ENTPD8: variants seen among roughly 807,000 people sequenced by gnomAD.
ENTPD8 encodes the protein ectonucleoside triphosphate diphosphohydrolase 8.
In ENTPD8, 35 loss-of-function variants were observed where a neutral mutation model predicts 47.0. The observed-to-expected ratio is 0.75, with a 90% CI of 0.57 to 0.99. The LOEUF (loss-of-function observed/expected upper bound fraction) is 0.99, where lower values mean the gene tolerates loss of function less well. Among genes scored for constraint, ENTPD8 ranks in the 50% least tolerant of loss-of-function variants. The probability of loss-of-function intolerance (pLI) is 0.00; values close to 1 mark genes in which losing one functional copy is unlikely to be tolerated. For missense variants in ENTPD8, 668 were observed against 649.9 expected (o/e 1.03, Z -0.30); for synonymous variants, 308 against 290.5 (o/e 1.06, Z -0.61).
At position 137,436,107 on chromosome 9, in the gene ENTPD8, GC is replaced by G; in HGVS notation, c.955del (p.Ala319ProfsTer44). 6.2e-7 allele frequency: 1 copy of G among 1,613,034 alleles called. No individual in the cohort carries two copies. Among genetic ancestry groups the G allele is most frequent in the Non-Finnish European group, 8.5e-7 (1 of 1,179,988 alleles). ...GTGNPGACVS[A>X]IRELFNFSSC... ...GGAGAAGTTGAAAAGTTCCCGGATG[GC>G]TGAGACGCAGGCTCCAGGGTTGCCT... On this transcript the variant is annotated frameshift_variant, in exon 7 of 10. Transcript: ENST00000371506. LOFTEE classifies it high-confidence loss of function.
intron 6 of ENTPD8, 98 bp downstream of exon 6, chr9:137,436,422 TA>T: frequency 7.5e-7 from 1 of 1,327,828 alleles, no homozygotes; most frequent in Non-Finnish European, 1.0e-6. Flanking sequence ...CCCGCGCCCA[TA>T]CCCTGTGCCC....
rs1429032447 is a variant in ENTPD8 at position 137,438,776 on chromosome 9, G to A, written c.-20-471C>T. Among the ~76,000 whole-genome samples the A allele has an allele frequency of 6.6e-6, 1 of 152,110 alleles. No homozygotes were observed. The highest frequency in any genetic ancestry group is 1.5e-5 in the Non-Finnish European group (1 of 67,958). On this transcript the variant is annotated intron_variant, in intron 1 of 9. Coordinates refer to ENST00000371506, the MANE Select transcript of ENTPD8 (RefSeq NM_001033113.2). This position sits in a 1 kb window ranked among gnomAD's most constrained non-coding sequence, Gnocchi z 5.7. Reference sequence around the variant, plus strand: ...TGTGGGAGGGGGGCGGGGGGCAGCAGAGGCCTCGTCTGGGGACACAGCCCC... The same window carrying A: ...TGTGGGAGGGGGGCGGGGGGCAGCAAAGGCCTCGTCTGGGGACACAGCCCC...
Position 137,436,379 on chromosome 9 carries a change from C to T in ENTPD8, c.787-103G>A, listed in dbSNP as rs539806309. On this transcript the variant is annotated intron_variant, in intron 6 of 9. Transcript: ENST00000371506. ...GCCAGCCCCGCGCCCATACCCTGTG[C>T]GCCCTCCCCGGTGCCGGATGACCCA... 52 of 1,410,104 alleles carry T rather than the reference C, an allele frequency of 3.7e-5. No homozygotes were observed. In the African/African-American group the frequency reaches 5.7e-4, roughly 15 times the overall value. 87.3% of individuals were successfully genotyped at this position (1,410,104 alleles called of 1,614,324 possible). A position where few individuals can be genotyped will look rare whatever the true frequency, so the allele number is the denominator to read the frequency against.
In ENTPD8 at chr9:137,436,716, C is replaced by A. The variant is rs1216022667; in HGVS notation, c.591G>T (p.Glu197Asp). The change falls in exon 6 of 10, where the codon GAG becomes GAT. Residue 197 changes from glutamate (E) to aspartate (D), a missense_variant. Glu to Asp is a conservative substitution (Grantham distance 45). Transcript: ENST00000371506. ...TGTCCAGGGCACCCACCAGCATCTCCTCCGGAGGCTGGATCCATTCTCCAG... is the reference window on the plus strand; with the variant it reads ...TGTCCAGGGCACCCACCAGCATCTCATCCGGAGGCTGGATCCATTCTCCAG... ...SFTGEWIQPP[E>D]EMLVGALDMG... The A allele has an allele frequency of 6.3e-7, 1 of 1,599,996 alleles. No homozygotes were observed. The highest frequency in any genetic ancestry group is 1.1e-5 in the South Asian group (1 of 89,732).
Position 137,438,350 on chromosome 9 carries a change from C to T in ENTPD8, c.-20-45G>A. 1 of 1,456,144 alleles carries T rather than the reference C, an allele frequency of 6.9e-7. No homozygotes were observed. Among genetic ancestry groups the T allele is most frequent in the Non-Finnish European group, 9.1e-7 (1 of 1,103,764 alleles). 90.2% of individuals were successfully genotyped at this position (1,456,144 alleles called of 1,614,324 possible). On this transcript the variant is annotated intron_variant, in intron 1 of 9. Coordinates refer to ENST00000371506, the MANE Select transcript of ENTPD8 (RefSeq NM_001033113.2). The surrounding 1 kb of genome is among the most constrained non-coding windows in gnomAD (Gnocchi z 5.7). ...GGCACCCAGGCTGCACTTGGTGTCC[C>T]CATCCCGCCCTCCAGAGGCAGAGGC... is the stretch of plus-strand genomic sequence containing the variant.
intron 7 of ENTPD8, 63 bp downstream of exon 7, chr9:137,435,950 G>T: frequency 6.2e-7 from 1 of 1,602,934 alleles, no homozygotes; most frequent in South Asian, 1.1e-5. Context: ...GCTGGAGTCA[G>T]ACAGGCACCT....
Position 137,438,305 on chromosome 9 carries a change from C to G in ENTPD8, c.-20G>C. ...CCCCATGGTGCAGGTGGTACTGGTTCCTGTGGGGGGACGGCCGTGGGCACC... is the reference window on the plus strand; with the variant it reads ...CCCCATGGTGCAGGTGGTACTGGTTGCTGTGGGGGGACGGCCGTGGGCACC... On this transcript the variant is annotated splice_region_variant and 5_prime_UTR_variant, in exon 2 of 10. Coordinates refer to ENST00000371506, the MANE Select transcript of ENTPD8 (RefSeq NM_001033113.2). This position sits in a 1 kb window ranked among gnomAD's most constrained non-coding sequence, Gnocchi z 5.7. 1 of 1,538,132 alleles carries G rather than the reference C, an allele frequency of 6.5e-7. No individual in the cohort carries two copies. The highest frequency in any genetic ancestry group is 1.2e-5 in the South Asian group (1 of 84,196).
At position 137,434,988 on chromosome 9, in the gene ENTPD8, C is replaced by G; in HGVS notation, c.1414G>C (p.Val472Leu). Residue 472 changes from valine to leucine, a missense_variant, in exon 10 of 10, where the codon GTG becomes CTG. Val to Leu is a conservative substitution (Grantham distance 32). Transcript: ENST00000371506. The part of the protein sequence containing the change: ...AESYGVWVAK[V>L]VFMVLALVAV... ...ACCAGGGCCAGCACCATGAACACCA[C>G]TTTGGCCACCCAGACGCCGTAGCTC... is the stretch of plus-strand genomic sequence containing the variant. 1 of 1,612,902 alleles carries G rather than the reference C, an allele frequency of 6.2e-7. No individual in the cohort carries two copies.
Position 137,436,904 on chromosome 9 carries a change from T to C in ENTPD8, c.520A>G (p.Ile174Val). The C allele has an allele frequency of 6.2e-7, 1 of 1,612,978 alleles. No homozygotes were observed. The highest frequency in any genetic ancestry group is 8.5e-7 in the Non-Finnish European group (1 of 1,179,932). Residue 174 changes from isoleucine to valine, a missense_variant, in exon 5 of 10, where the codon ATC (isoleucine) becomes GTC (valine). Coordinates refer to ENST00000371506, the MANE Select transcript of ENTPD8 (RefSeq NM_001033113.2). Reference sequence around the variant, plus strand: ...GTCCCCAAGCCGTAGTTGACAGTGATCCAACCAAAGGCACCTTCGGCCTGC... The same window carrying C: ...GTCCCCAAGCCGTAGTTGACAGTGACCCAACCAAAGGCACCTTCGGCCTGC... ...AGQAEGAFGW[I>V]TVNYGLGTLV...
In ENTPD8 at chr9:137,436,369, ATACCCT is replaced by A; in HGVS notation, c.787-99_787-94del. 13 of 1,423,670 alleles carry A rather than the reference ATACCCT, an allele frequency of 9.1e-6. No homozygotes were observed. In the East Asian group the frequency reaches 2.1e-4, roughly 23 times the overall value. 88.2% of individuals were successfully genotyped at this position (1,423,670 alleles called of 1,614,324 possible). ...GATGACCCACGCCAGCCCCGCGCCC[ATACCCT>A]GTGCGCCCTCCCCGGTGCCGGATGA... On this transcript the variant is annotated intron_variant, in intron 6 of 9. Coordinates refer to ENST00000371506, the MANE Select transcript of ENTPD8 (RefSeq NM_001033113.2).
intron 9 of ENTPD8, 24 bp downstream of exon 9, chr9:137,435,180 C>A (rs1839306178): frequency 1.9e-6 from 3 of 1,605,580 alleles, no homozygotes; most frequent in Non-Finnish European, 2.5e-6. Flanking sequence ...CCACGCCCCG[C>A]CCACGCCCAG....
intron 8 of ENTPD8, among the ~76,000 whole-genome samples, 169 bp downstream of exon 8, chr9:137,435,550 T>C (rs1277831627): frequency 6.6e-6 from 1 of 152,202 alleles, no homozygotes; most frequent in African/African-American, 2.4e-5. Context: ...GCTGCGGCCG[T>C]GGCCACAGCC....
rs770383661 is a variant in ENTPD8, at chr9:137,435,299, C to T, written c.1201G>A (p.Asp401Asn). ...ATGTACAGGCCTGAGGCACAGTAGT[C>T]CCGCAGCCAGCGGTCCTGCCCAGGG... Reference protein sequence around the residue: ...SYPGQDRWLRDYCASGLYILT... With the variant: ...SYPGQDRWLRNYCASGLYILT... The change falls in exon 9 of 10, where the codon GAC becomes AAC. Residue 401 changes from aspartate to asparagine, a missense_variant. Physicochemically the swap from Asp to Asn is conservative, Grantham distance 23. Transcript: ENST00000371506. 1 of 1,612,392 alleles carries T rather than the reference C, an allele frequency of 6.2e-7. No homozygotes were observed. The highest frequency in any genetic ancestry group is 8.5e-7 in the Non-Finnish European group (1 of 1,179,844).
In ENTPD8 at chr9:137,436,564, C is replaced by T. The variant is rs2079891709; in HGVS notation, c.743G>A (p.Gly248Glu). 1 of 1,611,910 alleles carries T rather than the reference C, an allele frequency of 6.2e-7. No homozygotes were observed. ...SVYTHSYLCF[G>E]RDQMLSRLLV... ...GAGCCTGCTCAGCATCTGGTCCCGT[C>T]CAAAGCACAGGTAGCTGTGAGTGTA... The change falls in exon 6 of 10, where the codon GGA becomes GAA. Residue 248 changes from glycine (G) to glutamate (E), a missense_variant. Coordinates refer to ENST00000371506, the MANE Select transcript of ENTPD8 (RefSeq NM_001033113.2).
chr9:137,438,346 G>A lies in ENTPD8; in HGVS notation c.-20-41C>T. The A allele has an allele frequency of 6.8e-7, 1 of 1,466,550 alleles. No individual in the cohort carries two copies. The highest frequency in any genetic ancestry group is 9.0e-7 in the Non-Finnish European group (1 of 1,108,194). 90.8% of individuals were successfully genotyped at this position (1,466,550 alleles called of 1,614,324 possible). ...CGTGGGCACCCAGGCTGCACTTGGTGTCCCCATCCCGCCCTCCAGAGGCAG... is the reference window on the plus strand; with the variant it reads ...CGTGGGCACCCAGGCTGCACTTGGTATCCCCATCCCGCCCTCCAGAGGCAG... On this transcript the variant is annotated intron_variant, in intron 1 of 9. Coordinates refer to ENST00000371506, the MANE Select transcript of ENTPD8 (RefSeq NM_001033113.2). This position sits in a 1 kb window ranked among gnomAD's most constrained non-coding sequence, Gnocchi z 5.7.
Position 137,438,089 on chromosome 9 carries a change from G to T in ENTPD8, c.127-5C>A. The T allele has an allele frequency of 6.2e-7, 1 of 1,612,704 alleles. No individual in the cohort carries two copies. Among genetic ancestry groups the T allele is most frequent in the Non-Finnish European group, 8.5e-7 (1 of 1,179,718 alleles). ...CGCATCAAACACGATCCCAAACTGGGGAGACAGTGGGATGAGTGGGAGGCA... is the reference window on the plus strand; with the variant it reads ...CGCATCAAACACGATCCCAAACTGGTGAGACAGTGGGATGAGTGGGAGGCA... On this transcript the variant is annotated splice_polypyrimidine_tract_variant and splice_region_variant and intron_variant, in intron 2 of 9. Coordinates refer to ENST00000371506, the MANE Select transcript of ENTPD8 (RefSeq NM_001033113.2). The surrounding 1 kb of genome is among the most constrained non-coding windows in gnomAD (Gnocchi z 5.7).
In ENTPD8 at chr9:137,434,884, G is replaced by T. The variant is rs766661002; in HGVS notation, c.*30C>A. ...GCATCCGGGACGCAGCTGCCTGTGGGCTCTGTGGGGGCCCACCTCCGCCTT... is the reference window on the plus strand; with the variant it reads ...GCATCCGGGACGCAGCTGCCTGTGGTCTCTGTGGGGGCCCACCTCCGCCTT... On this transcript the variant is annotated 3_prime_UTR_variant, in exon 10 of 10. Coordinates refer to ENST00000371506, the MANE Select transcript of ENTPD8 (RefSeq NM_001033113.2). 1.3e-5 allele frequency: 21 copies of T among 1,575,080 alleles called. No homozygotes were observed. The highest frequency in any genetic ancestry group is 1.7e-5 in the Non-Finnish European group (20 of 1,160,398).
chr9:137,436,196 C>G lies in ENTPD8; in HGVS notation c.867G>C (p.Glu289Asp). ...GGGGCGTGGCGTGGACACAGGGTGA[C>G]TCATACAGCGGGCCCAGGGCCAGTG... ...QTTLALGPLY[E>D]SPCVHATPPL... The change falls in exon 7 of 10, where the codon GAG becomes GAC. Residue 289 changes from glutamate (E) to aspartate (D), a missense_variant. Physicochemically the swap from Glu to Asp is conservative, Grantham distance 45. Coordinates refer to ENST00000371506, the MANE Select transcript of ENTPD8 (RefSeq NM_001033113.2). 1.2e-6 allele frequency: 2 copies of G among 1,612,704 alleles called. No individual in the cohort carries two copies. The highest frequency in any genetic ancestry group is 1.7e-6 in the Non-Finnish European group (2 of 1,179,858).
Position 137,435,082 on chromosome 9 carries a change from C to G in ENTPD8, c.1320G>C (p.Trp440Cys), listed in dbSNP as rs1309158723. The change falls in exon 10 of 10, where the codon TGG becomes TGC. Residue 440 changes from tryptophan (W) to cysteine (C), a missense_variant. Physicochemically the swap from Trp to Cys is radical, Grantham distance 215. Coordinates refer to ENST00000371506, the MANE Select transcript of ENTPD8 (RefSeq NM_001033113.2). ...RKQAGGVDIG[W>C]TLGYMLNLTG... ...TCAGGTTCAGCATGTAGCCCAGTGT[C>G]CAGCCAATGTCCACACCGCCCGCCT... 1 of 1,611,216 alleles carries G rather than the reference C, an allele frequency of 6.2e-7. No homozygotes were observed. The highest frequency in any genetic ancestry group is 1.1e-5 in the South Asian group (1 of 91,016).
Sources: allele counts gnomAD v4.1 joint callset (sites outside exome capture counted in the v4.1 genomes callset), GRCh38; gene constraint gnomAD v4.1.1; non-coding constraint Gnocchi (gnomAD v3.1); transcripts MANE v1.5; gene names NCBI Gene and HGNC (gene_info 2026-07-23, HGNC 2026-07-21).